DENND1B: variants seen among roughly 807,000 people sequenced by gnomAD.
DENND1B encodes DENN domain-containing protein 1B.
DENND1B carries 59 observed loss-of-function variants against 90.1 expected under a neutral mutation model. The ratio of observed to expected loss-of-function variants is 0.65; its 90% CI spans 0.53 to 0.81. The LOEUF (loss-of-function observed/expected upper bound fraction) is 0.81, where lower values mean the gene tolerates loss of function less well. Among genes scored for constraint, DENND1B ranks in the 40% least tolerant of loss-of-function variants. DENND1B has a pLI of 0.00. For synonymous variants in DENND1B, 337 were observed against 324.6 expected, an observed-to-expected ratio of 1.04 and a Z score of -0.41; for missense variants, 862 against 912.6, an observed-to-expected ratio of 0.94 and a Z score of 0.71.
intron 2 of DENND1B, among the ~76,000 whole-genome samples, chr1:197,722,653 CCTT>C (rs1409366222): frequency 6.6e-6 from 1 of 152,080 alleles, no homozygotes; most frequent in Non-Finnish European, 1.5e-5. Flanking sequence ...CAAATCAATA[CCTT>C]CTCAATCTGA....
intron 22 of DENND1B, 52 bp downstream of exon 22, chr1:197,511,676 C>A (rs2125592057): frequency 6.9e-7 from 1 of 1,441,992 alleles, no homozygotes. Context: ...TAATCACAGC[C>A]AAGGCAAGAA....
intron 2 of DENND1B, among the ~76,000 whole-genome samples, chr1:197,722,466 T>TA (rs1475313233): frequency 6.6e-6 from 1 of 152,146 alleles, no homozygotes; most frequent in African/African-American, 2.4e-5. Context: ...GACAGTAATT[T>TA]AAAGAACATC....
chr1:197,714,753 T>C (rs1172171081), intron 3 of DENND1B, among the ~76,000 whole-genome samples: 1 of 152,102 alleles, frequency 6.6e-6, no homozygotes, highest in Non-Finnish European at 1.5e-5. Flanking sequence ...ATATAGTCTA[T>C]AGATAAATTA....
chr1:197,549,584 AT>A (rs1229818814), intron 16 of DENND1B, among the ~76,000 whole-genome samples: 3 of 152,112 alleles, frequency 2.0e-5, no homozygotes, highest in Non-Finnish European at 2.9e-5. Context: ...AAGAAAGAAT[AT>A]GTTCTTAACT....
intron 20 of DENND1B, among the ~76,000 whole-genome samples, chr1:197,536,465 G>T (rs1338510098): frequency 6.6e-6 from 1 of 151,986 alleles, no homozygotes; most frequent in Admixed American, 6.6e-5. Flanking sequence ...CCACCAATTG[G>T]CTATCATTTC....
chr1:197,504,840 A>T lies in DENND1B; in HGVS notation c.*5620T>A, dbSNP rs878963640. On this transcript the variant is annotated 3_prime_UTR_variant, in exon 23 of 23. Coordinates refer to ENST00000620048, the MANE Select transcript of DENND1B (RefSeq NM_001195215.2). ...CAATATTTATTTTTGCATATTTTTA[A>T]AAAAATTCCCAAAGCGATGCTTTTA... is the stretch of plus-strand genomic sequence containing the variant. 16 of 151,862 alleles carry T rather than the reference A, an allele frequency of 1.1e-4. No homozygotes were observed. Among genetic ancestry groups the T allele is most frequent in the Non-Finnish European group, 1.9e-4 (13 of 67,822 alleles). The allele number at this position is 151,862 out of a possible 1,614,324, so 9.4% of individuals were successfully genotyped here. A position where few individuals can be genotyped will look rare whatever the true frequency, so the allele number is the denominator to read the frequency against.
chr1:197,693,743 C>T (rs1037852318), intron 3 of DENND1B, among the ~76,000 whole-genome samples: 4 of 151,384 alleles, frequency 2.6e-5, no homozygotes, highest in African/African-American at 9.7e-5. Context: ...TCTTTGAGCT[C>T]CATTCTTTTA....
chr1:197,656,223 G>C (rs1653809165), intron 6 of DENND1B, among the ~76,000 whole-genome samples: 1 of 151,830 alleles, frequency 6.6e-6, no homozygotes, highest in Middle Eastern at 3.4e-3. Flanking sequence ...AGAGAACCAA[G>C]AATATAACAT....
At chr1:197,697,059 T>C (rs1348181683) in intron 3 of DENND1B, among the ~76,000 whole-genome samples, 1 of 100,714 alleles carries the variant, frequency 9.9e-6, no homozygotes, top group African/African-American at 3.9e-5. Flanking sequence ...AGAAACAGAA[T>C]GGAAAAGTAA....
rs1667820380 is a variant in DENND1B at position 197,508,300 on chromosome 1, T to C, written c.*2160A>G. On this transcript the variant is annotated 3_prime_UTR_variant, in exon 23 of 23. Transcript: ENST00000620048. ...CAGATTAACAACCAGAGTAACCTTTTTTCCTTCTGATTTAAAACAGCTCTT... is the reference window on the plus strand; with the variant it reads ...CAGATTAACAACCAGAGTAACCTTTCTTCCTTCTGATTTAAAACAGCTCTT... 1 of 151,732 alleles carries C rather than the reference T, an allele frequency of 6.6e-6. No homozygotes were observed. The highest frequency in any genetic ancestry group is 1.5e-5 in the Non-Finnish European group (1 of 67,782). The allele number at this position is 151,732 out of a possible 1,614,324, so 9.4% of individuals were successfully genotyped here. A position where few individuals can be genotyped will look rare whatever the true frequency, so the allele number is the denominator to read the frequency against.
chr1:197,719,919 G>A (rs1558441195), intron 2 of DENND1B, among the ~76,000 whole-genome samples: 1 of 152,178 alleles, frequency 6.6e-6, no homozygotes, highest in African/African-American at 2.4e-5. Context: ...TCAGAAATAA[G>A]ATGACATAAA....
At chr1:197,562,534 A>G (rs1672258727) in intron 15 of DENND1B, among the ~76,000 whole-genome samples, 1 of 151,886 alleles carries the variant, frequency 6.6e-6, no homozygotes, top group Admixed American at 6.6e-5. Context: ...TGTAACTATC[A>G]TAATTGTTTT....
chr1:197,778,221 G>T (rs1004478408), upstream of DENND1B, among the ~76,000 whole-genome samples: 2 of 152,048 alleles, frequency 1.3e-5, no homozygotes, highest in East Asian at 1.9e-4. Context: ...AATAGTATTT[G>T]TCTGATGTTA....
intron 3 of DENND1B, among the ~76,000 whole-genome samples, chr1:197,697,129 G>A (rs1658516208): frequency 1.3e-5 from 2 of 150,302 alleles, no homozygotes; most frequent in Admixed American, 6.7e-5. Flanking sequence ...AAGAAGACAG[G>A]GATAGTGTGT....
At chr1:197,571,077 C>CAT (rs10680427) in intron 15 of DENND1B, among the ~76,000 whole-genome samples, 121,510 of 151,932 alleles carry the variant, frequency 0.8, 48,717 homozygotes, top group East Asian at 0.87. Flanking sequence ...ACCTCTCAAA[C>CAT]AAACAAATTC....
intron 2 of DENND1B, among the ~76,000 whole-genome samples, chr1:197,770,681 CATATCTATAAATATAT>C (rs1180926519): frequency 7.3e-6 from 1 of 137,520 alleles, no homozygotes; most frequent in Non-Finnish European, 1.5e-5. Context: ...TATAAATATA[CATATCTATAAATATAT>C]ATCTATAAAT....
intron 2 of DENND1B, among the ~76,000 whole-genome samples, chr1:197,742,846 G>A (rs1663345823): frequency 6.6e-6 from 1 of 152,196 alleles, no homozygotes; most frequent in Non-Finnish European, 1.5e-5. Context: ...GGTTGCATAT[G>A]TGCAGGGTGA....
chr1:197,777,924 C>T (rs1032147749), upstream of DENND1B, among the ~76,000 whole-genome samples: 5 of 152,092 alleles, frequency 3.3e-5, no homozygotes, highest in Admixed American at 1.3e-4. Flanking sequence ...TGATCAAATA[C>T]GATGATTGTG....
intron 1 of DENND1B, among the ~76,000 whole-genome samples, chr1:197,774,314 T>C (rs2102525728): frequency 6.6e-6 from 1 of 152,290 alleles, no homozygotes; most frequent in South Asian, 2.1e-4. Flanking sequence ...TTCACAATAA[T>C]ACAAATATAC....
Sources: gnomAD v4.1 joint callset for allele counts (sites outside exome capture counted in the v4.1 genomes callset) on GRCh38, gnomAD v4.1.1 for gene constraint, MANE v1.5 for transcripts, NCBI Gene and HGNC (gene_info 2026-07-23, HGNC 2026-07-21) for gene names.